The following BTAF1 variants were observed in gnomAD, a reference collection of about 807,000 sequenced individuals.
The protein encoded by BTAF1 is TATA-binding protein-associated factor 172.
In BTAF1, 38 loss-of-function variants were observed where a neutral mutation model predicts 227.1. The ratio of observed to expected loss-of-function variants is 0.17; its 90% confidence interval spans 0.13 to 0.22. The LOEUF is 0.22. BTAF1 is among the 10% of genes least tolerant of loss of function. BTAF1 has a pLI of 1.00. For synonymous variants in BTAF1, 742 were observed against 751.9 expected, an observed-to-expected ratio of 0.99 and a Z score of 0.21; for missense variants, 1,598 against 2,204.0, an observed-to-expected ratio of 0.73 and a Z score of 5.51.
chr10:91,930,577 A>G (rs532756067), intron 1 of BTAF1, among the ~76,000 whole-genome samples: 1 of 152,198 alleles, frequency 6.6e-6, no homozygotes, highest in Admixed American at 6.5e-5. Flanking sequence ...TAACATTAAC[A>G]TAGTTTCAAA....
At chr10:92,012,863 G>A (rs1850468629) in intron 30 of BTAF1, among the ~76,000 whole-genome samples, 1 of 150,756 alleles carries the variant, frequency 6.6e-6, no homozygotes, top group South Asian at 2.1e-4. Context: ...GCTTCAATTT[G>A]AAGTTATATG....
intron 14 of BTAF1, among the ~76,000 whole-genome samples, chr10:91,970,957 A>T (rs1475991330): frequency 6.6e-6 from 1 of 152,210 alleles, no homozygotes; most frequent in Non-Finnish European, 1.5e-5. Flanking sequence ...TTTACTGAAT[A>T]TGTCAATTTC....
At chr10:92,025,047 T>C (rs1696206596) in intron 35 of BTAF1, 80 bp downstream of exon 35, 3 of 1,276,356 alleles carry the variant, frequency 2.4e-6, no homozygotes, top group African/African-American at 1.5e-5. Flanking sequence ...AATATTTTCA[T>C]TGGCTAAATA....
At chr10:91,970,043 A>C (rs1375323969) in intron 14 of BTAF1, among the ~76,000 whole-genome samples, 6 of 150,954 alleles carry the variant, frequency 4.0e-5, no homozygotes, top group Non-Finnish European at 8.9e-5. Context: ...CTGGTTGTGA[A>C]AACATCTCTG....
Position 92,030,701 on chromosome 10 carries a change from G to GTATT in BTAF1, c.*1770_*1773dup, listed in dbSNP as rs1554872073. On this transcript the variant is annotated 3_prime_UTR_variant, in exon 38 of 38. Coordinates refer to ENST00000265990, the MANE Select transcript of BTAF1 (RefSeq NM_003972.3). ...TTCTGAGAGTTTAATCAAAAGGTGT[G>GTATT]TATTTCTAGAAGGATGACTAGAAAA... 6.6e-6 allele frequency among the ~76,000 whole-genome samples: 1 copy of GTATT among 152,156 alleles called. No homozygotes were observed. Among genetic ancestry groups the GTATT allele is most frequent in the Non-Finnish European group, 1.5e-5 (1 of 68,000 alleles).
rs1850917130 is a variant in BTAF1 at position 92,018,791 on chromosome 10, G to A, written c.4719G>A (p.Gln1573=). The change falls in exon 34 of 38, where the codon CAG becomes CAA. Residue 1573 remains glutamine (Q), a synonymous_variant. Transcript: ENST00000265990. ...TTTTTTTCCTCTTGAAGGCATTACA[G>A]TACTTACGTAAACTGTGCAACCATC... The part of the protein sequence containing the change: ...KATGHVFQAL[Q]YLRKLCNHPA... The A allele has an allele frequency of 1.9e-6, 3 of 1,556,256 alleles. No individual in the cohort carries two copies. The highest frequency in any genetic ancestry group is 2.6e-6 in the Non-Finnish European group (3 of 1,155,874).
At chr10:92,002,907 C>T (rs1265786466) in intron 25 of BTAF1, among the ~76,000 whole-genome samples, 1 of 152,020 alleles carries the variant, frequency 6.6e-6, no homozygotes, top group Non-Finnish European at 1.5e-5. Context: ...CGCCTGTAAT[C>T]CCAGCACTTT....
chr10:91,996,129 T>C (rs553982210), intron 23 of BTAF1, among the ~76,000 whole-genome samples: 1 of 152,342 alleles, frequency 6.6e-6, no homozygotes, highest in South Asian at 2.1e-4. Context: ...AGAGATGATA[T>C]GAGCAGAGCA....
intron 3 of BTAF1, among the ~76,000 whole-genome samples, chr10:91,940,542 A>G (rs1242584902): frequency 6.6e-6 from 1 of 152,070 alleles, no homozygotes. Context: ...ATTGCCTGTA[A>G]TGACATTTAA....
In BTAF1 at chr10:91,982,167, A is replaced by G. The variant is rs1460774338; in HGVS notation, c.1990A>G (p.Met664Val). The change falls in exon 17 of 38, where the codon ATG (methionine) becomes GTG (valine). Residue 664 changes from methionine (M) to valine (V), a missense_variant. Met to Val is a conservative substitution (Grantham distance 21). Coordinates refer to ENST00000265990, the MANE Select transcript of BTAF1 (RefSeq NM_003972.3). Reference sequence around the variant, plus strand: ...GTATATTGCAGGTGCCGACACCATCATGGAAGACCCAGCCACCAGGGATTT... The same window carrying G: ...GTATATTGCAGGTGCCGACACCATCGTGGAAGACCCAGCCACCAGGGATTT... ...QEYIAGADTI[M>V]EDPATRDFVV... The G allele has an allele frequency of 1.2e-5, 19 of 1,614,070 alleles. No homozygotes were observed. The highest frequency in any genetic ancestry group is 1.5e-5 in the Non-Finnish European group (18 of 1,179,948).
chr10:91,981,865 A>T, intron 16 of BTAF1, 73 bp downstream of exon 16: 2 of 1,477,610 alleles, frequency 1.4e-6, no homozygotes, highest in Middle Eastern at 2.2e-4. Flanking sequence ...TATTTTTAAA[A>T]ATCTGTATTG....
At chr10:91,985,704 T>A (rs1383860068) in intron 19 of BTAF1, among the ~76,000 whole-genome samples, 1 of 152,186 alleles carries the variant, frequency 6.6e-6, no homozygotes, top group African/African-American at 2.4e-5. Context: ...AATTTCCATT[T>A]CCTTGATGAC....
intron 21 of BTAF1, 93 bp downstream of exon 21, chr10:91,992,402 G>C: frequency 8.3e-7 from 1 of 1,208,102 alleles, no homozygotes; most frequent in Non-Finnish European, 1.1e-6. Context: ...TTCCAGAGTT[G>C]TTTTTAAGTA....
intron 14 of BTAF1, 89 bp downstream of exon 14, chr10:91,966,846 T>C (rs1846954687): frequency 2.7e-5 from 35 of 1,290,212 alleles, no homozygotes; most frequent in Non-Finnish European, 3.7e-5. Flanking sequence ...TTGCTGTATA[T>C]CCAAAGATCA....
chr10:91,925,121 TAGTG>T (rs1460812356), intron 1 of BTAF1, among the ~76,000 whole-genome samples: 6 of 152,200 alleles, frequency 3.9e-5, no homozygotes, highest in Admixed American at 3.3e-4. Context: ...ACTGATGAAA[TAGTG>T]TGTGGGAGAA....
intron 14 of BTAF1, among the ~76,000 whole-genome samples, chr10:91,973,903 CAAAAAAAAAAAAA>C (rs566022941): frequency 1.1e-5 from 1 of 93,918 alleles, no homozygotes; most frequent in Admixed American, 1.2e-4. Flanking sequence ...GACTCCGTCT[CAAAAAAAAAAAAA>C]AAAAAAAGAA....
At chr10:91,931,862 A>G (rs1370511881) in intron 1 of BTAF1, among the ~76,000 whole-genome samples, 1 of 152,196 alleles carries the variant, frequency 6.6e-6, no homozygotes, top group East Asian at 1.9e-4. Context: ...GAACTACGAA[A>G]GTGGCTTTAA....
intron 4 of BTAF1, among the ~76,000 whole-genome samples, chr10:91,943,120 C>G (rs1845125497): frequency 6.6e-6 from 1 of 152,110 alleles, no homozygotes; most frequent in African/African-American, 2.4e-5. Flanking sequence ...TCGAGAGCAG[C>G]CTAACCAACA....
At chr10:91,947,380 T>G (rs1393526233) in intron 4 of BTAF1, among the ~76,000 whole-genome samples, 3 of 152,022 alleles carry the variant, frequency 2.0e-5, no homozygotes, top group Admixed American at 6.6e-5. Flanking sequence ...GAGTTTTTTT[T>G]GTATATGTTT....
Sources: allele counts gnomAD v4.1 joint callset (sites outside exome capture counted in the v4.1 genomes callset), GRCh38; gene constraint gnomAD v4.1.1; transcripts MANE v1.5; gene names NCBI Gene and HGNC (gene_info 2026-07-23, HGNC 2026-07-21).